Variants in SKAP1 observed in about 807,000 individuals in gnomAD.
SKAP1 encodes the protein src kinase-associated phosphoprotein 1.
SKAP1 carries 44 observed loss-of-function variants against 58.5 expected under a neutral mutation model. The ratio of observed to expected loss-of-function variants is 0.75; its 90% CI spans 0.59 to 0.97. SKAP1 has a LOEUF of 0.97. Among genes scored for constraint, SKAP1 ranks in the 50% least tolerant of loss-of-function variants. The pLI, the probability that SKAP1 is intolerant of heterozygous loss-of-function variation, is 0.00. For synonymous variants in SKAP1, 127 were observed against 149.7 expected (o/e 0.85, Z 1.11); for missense variants, 390 against 435.2 (o/e 0.90, Z 0.92).
At chr17:48,175,115 G>A (rs1360754518) in intron 9 of SKAP1, among the ~76,000 whole-genome samples, 1 of 152,204 alleles carries the variant, frequency 6.6e-6, no homozygotes, top group East Asian at 1.9e-4. Context: ...ACAGAGAGGA[G>A]CCAGCAGCTT....
At chr17:48,288,011 G>A (rs1437868481) in intron 4 of SKAP1, among the ~76,000 whole-genome samples, 1 of 152,020 alleles carries the variant, frequency 6.6e-6, no homozygotes, top group Admixed American at 6.6e-5. Context: ...GAGAAAAATT[G>A]GTAAAAACAT....
intron 2 of SKAP1, among the ~76,000 whole-genome samples, chr17:48,394,566 C>A (rs552313931): frequency 1.2e-4 from 19 of 152,198 alleles, no homozygotes; most frequent in African/African-American, 3.6e-4. Flanking sequence ...GTCTCAAACT[C>A]CTGGCCTCAA....
chr17:48,164,514 T>C (rs2064110205), intron 10 of SKAP1, among the ~76,000 whole-genome samples: 1 of 152,056 alleles, frequency 6.6e-6, no homozygotes, highest in Non-Finnish European at 1.5e-5. Flanking sequence ...TGATTTGACA[T>C]TGGGTATATA....
chr17:48,213,258 C>T (rs1010202896), intron 4 of SKAP1, among the ~76,000 whole-genome samples: 15 of 149,542 alleles, frequency 1.0e-4, no homozygotes, highest in African/African-American at 3.7e-4. Context: ...AGGAGAATCG[C>T]TTGAACCCGT....
intron 4 of SKAP1, among the ~76,000 whole-genome samples, chr17:48,339,602 A>AC (rs2066620031): frequency 6.6e-6 from 1 of 152,138 alleles, no homozygotes; most frequent in South Asian, 2.1e-4. Context: ...CAGTGACTGA[A>AC]CCTACATAGG....
chr17:48,306,851 A>G (rs952198111), intron 4 of SKAP1, among the ~76,000 whole-genome samples: 1 of 152,332 alleles, frequency 6.6e-6, no homozygotes, highest in Non-Finnish European at 1.5e-5. Flanking sequence ...ACTACAACCT[A>G]TAATAGAGAA....
At chr17:48,377,617 GCACAATCCA>G (rs1186530193) in intron 2 of SKAP1, among the ~76,000 whole-genome samples, 1 of 151,514 alleles carries the variant, frequency 6.6e-6, no homozygotes, top group Non-Finnish European at 1.5e-5. Flanking sequence ...ATTTACTATG[GCACAATCCA>G]ATTGTGCAAT....
chr17:48,287,353 G>A (rs913953075), intron 4 of SKAP1, among the ~76,000 whole-genome samples: 2 of 151,336 alleles, frequency 1.3e-5, no homozygotes, highest in Non-Finnish European at 2.9e-5. Flanking sequence ...AGAATATCAG[G>A]GTAATTACAT....
At chr17:48,301,869 A>G (rs553152254) in intron 4 of SKAP1, among the ~76,000 whole-genome samples, 38 of 152,340 alleles carry the variant, frequency 2.5e-4, no homozygotes, top group African/African-American at 5.3e-4. Flanking sequence ...CAGTGCTACA[A>G]CTGGCATCAG....
intron 4 of SKAP1, among the ~76,000 whole-genome samples, chr17:48,288,290 C>T (rs183405667): frequency 6.6e-6 from 1 of 152,198 alleles, no homozygotes; most frequent in East Asian, 1.9e-4. Context: ...AATTCTCTCT[C>T]TATAAGAAGT....
chr17:48,235,288 C>T (rs2065167973), intron 4 of SKAP1, among the ~76,000 whole-genome samples: 1 of 152,142 alleles, frequency 6.6e-6, no homozygotes, highest in Non-Finnish European at 1.5e-5. Flanking sequence ...GAGAAATGAA[C>T]ATAAATGTGT....
At chr17:48,411,396 C>A (rs1567904864) in intron 1 of SKAP1, among the ~76,000 whole-genome samples, 1 of 129,118 alleles carries the variant, frequency 7.7e-6, no homozygotes, top group African/African-American at 2.7e-5. Context: ...CAGATTCCAT[C>A]TCAAATAAAT....
intron 4 of SKAP1, among the ~76,000 whole-genome samples, chr17:48,223,700 C>A (rs1567827194): frequency 6.6e-6 from 1 of 152,018 alleles, no homozygotes; most frequent in Non-Finnish European, 1.5e-5. Flanking sequence ...TGAAAATAAG[C>A]CAAGTTAACC....
intron 2 of SKAP1, among the ~76,000 whole-genome samples, chr17:48,389,101 A>G (rs1214993907): frequency 6.6e-6 from 1 of 152,260 alleles, no homozygotes; most frequent in Non-Finnish European, 1.5e-5. Context: ...TGTGATAAAA[A>G]CTACCAGAAG....
rs186907986 is a variant in SKAP1 at position 48,178,831 on chromosome 17, A to C, written c.826+1223T>G. 1.6e-3 allele frequency among the ~76,000 whole-genome samples: 239 copies of C among 152,298 alleles called. 2 individuals carry two copies. The highest frequency in any genetic ancestry group is 5.5e-3 in the African/African-American group (230 of 41,564). On this transcript the variant is annotated intron_variant, in intron 9 of 12. Transcript: ENST00000336915. The stretch of plus-strand genomic sequence containing the variant: ...AACCAAGATATCATTTGCATAATAA[A>C]ACACAACAAAAAGGCTGGAGAAGTC...
chr17:48,155,714 G>A (rs2063967188), intron 11 of SKAP1, among the ~76,000 whole-genome samples: 1 of 152,080 alleles, frequency 6.6e-6, no homozygotes, highest in South Asian at 2.1e-4. Flanking sequence ...AAAATTAGCT[G>A]GGTGCCGTGG....
the SKAP1 span, among the ~76,000 whole-genome samples, chr17:48,442,260 G>A: frequency 6.6e-6 from 1 of 152,142 alleles, no homozygotes; most frequent in African/African-American, 2.4e-5. Flanking sequence ...AAACTGTGTG[G>A]AATAGGGGAG....
At chr17:48,286,818 G>C (rs892497975) in intron 4 of SKAP1, among the ~76,000 whole-genome samples, 1 of 151,998 alleles carries the variant, frequency 6.6e-6, no homozygotes, top group Non-Finnish European at 1.5e-5. Flanking sequence ...GATAATTTTC[G>C]CTGGGCGCGG....
intron 4 of SKAP1, among the ~76,000 whole-genome samples, chr17:48,340,399 A>C (rs2069138537): frequency 6.6e-6 from 1 of 152,146 alleles, no homozygotes; most frequent in Non-Finnish European, 1.5e-5. Flanking sequence ...TACAATTGTA[A>C]TTGGAGATTT....
Sources: gnomAD v4.1 joint callset for allele counts (sites outside exome capture counted in the v4.1 genomes callset) on GRCh38, gnomAD v4.1.1 for gene constraint, MANE v1.5 for transcripts, NCBI Gene and HGNC (gene_info 2026-07-23, HGNC 2026-07-21) for gene names.